Variants in ATRNL1 observed in about 807,000 individuals in gnomAD.
ATRNL1 encodes the protein attractin-like protein 1.
ATRNL1 carries 95 observed loss-of-function variants against 182.7 expected under a neutral mutation model. That is an observed-to-expected ratio of 0.52 (90% CI 0.44 to 0.62). ATRNL1 has a LOEUF of 0.62. Ranked by LOEUF, ATRNL1 falls within the 20% of genes least tolerant of loss-of-function variation. ATRNL1 has a pLI of 0.00. For missense variants in ATRNL1, 1,471 were observed against 1,679.5 expected (o/e 0.88, Z 2.17); for synonymous variants, 576 against 568.3 (o/e 1.01, Z -0.19).
chr10:115,149,724 G>A (rs1846131464), intron 5 of ATRNL1, among the ~76,000 whole-genome samples: 1 of 151,988 alleles, frequency 6.6e-6, no homozygotes, highest in Non-Finnish European at 1.5e-5. Flanking sequence ...TTAATATGCT[G>A]CTGGATTTGG....
chr10:115,227,983 G>A (rs1849765252), intron 9 of ATRNL1, among the ~76,000 whole-genome samples: 3 of 152,050 alleles, frequency 2.0e-5, no homozygotes, highest in Non-Finnish European at 4.4e-5. Context: ...GAGTGGTTAT[G>A]TGTTCACTTT....
chr10:115,219,953 G>C (rs756067711), intron 9 of ATRNL1, among the ~76,000 whole-genome samples: 1 of 152,066 alleles, frequency 6.6e-6, no homozygotes, highest in African/African-American at 2.4e-5. Flanking sequence ...ACATATCCTC[G>C]TGCACAGCCT....
chr10:115,535,541 C>G (rs1554989945), intron 25 of ATRNL1, among the ~76,000 whole-genome samples: 2 of 152,006 alleles, frequency 1.3e-5, no homozygotes, highest in Admixed American at 1.3e-4. Flanking sequence ...AACTTCTTTG[C>G]CTTTGGTTTG....
chr10:115,667,230 T>A (rs960187077), intron 26 of ATRNL1, among the ~76,000 whole-genome samples: 41 of 152,086 alleles, frequency 2.7e-4, no homozygotes, highest in African/African-American at 9.4e-4. Context: ...CCCACTCCCT[T>A]CTAAAAAGGT....
chr10:115,647,744 G>C (rs1235696225), intron 26 of ATRNL1, among the ~76,000 whole-genome samples: 1 of 152,136 alleles, frequency 6.6e-6, no homozygotes, highest in African/African-American at 2.4e-5. Context: ...CTCCCGTTCT[G>C]TAGGTTGCCT....
chr10:115,673,287 C>CT (rs1182341160), intron 26 of ATRNL1, among the ~76,000 whole-genome samples: 4 of 152,036 alleles, frequency 2.6e-5, no homozygotes, highest in African/African-American at 9.7e-5. Context: ...TTATTTTATT[C>CT]TTTTTCATGG....
intron 27 of ATRNL1, among the ~76,000 whole-genome samples, chr10:115,796,545 G>A (rs1304953440): frequency 6.6e-6 from 1 of 152,108 alleles, no homozygotes; most frequent in Non-Finnish European, 1.5e-5. Context: ...TTTATTCTCA[G>A]TTCTTAACAA....
chr10:115,148,491 G>A (rs1430624160), intron 5 of ATRNL1, among the ~76,000 whole-genome samples: 1 of 152,154 alleles, frequency 6.6e-6, no homozygotes, highest in East Asian at 1.9e-4. Context: ...ATTAGGTGGT[G>A]AAAGTGGACA....
intron 26 of ATRNL1, among the ~76,000 whole-genome samples, chr10:115,667,081 G>GC (rs1354091736): frequency 6.6e-6 from 1 of 151,982 alleles, no homozygotes; most frequent in East Asian, 1.9e-4. Context: ...TATTCTGCCT[G>GC]CCCCTCCAGG....
chr10:115,385,148 A>G (rs1330202605), intron 19 of ATRNL1, among the ~76,000 whole-genome samples: 1 of 152,062 alleles, frequency 6.6e-6, no homozygotes, highest in Non-Finnish European at 1.5e-5. Context: ...AAGTAATTGT[A>G]TCATTGCATA....
chr10:115,809,155 C>G (rs1949990410), intron 27 of ATRNL1, among the ~76,000 whole-genome samples: 1 of 151,906 alleles, frequency 6.6e-6, no homozygotes, highest in South Asian at 2.1e-4. Context: ...ATGTATGATT[C>G]TATTTGTTGA....
intron 9 of ATRNL1, among the ~76,000 whole-genome samples, chr10:115,226,182 G>T (rs1849686515): frequency 6.6e-6 from 1 of 151,844 alleles, no homozygotes; most frequent in African/African-American, 2.4e-5. Context: ...TTAATAAATT[G>T]TTCTGGGCCA....
chr10:115,170,076 C>A (rs1405046983), intron 7 of ATRNL1, among the ~76,000 whole-genome samples: 3 of 152,086 alleles, frequency 2.0e-5, no homozygotes, highest in Non-Finnish European at 4.4e-5. Flanking sequence ...CAGATTGCAT[C>A]ATCTGCAAAT....
intron 28 of ATRNL1, among the ~76,000 whole-genome samples, chr10:115,895,174 A>G (rs1457893564): frequency 1.3e-5 from 2 of 152,244 alleles, no homozygotes; most frequent in African/African-American, 2.4e-5. Flanking sequence ...TAAAATAAAA[A>G]GAGCATTTTA....
intron 19 of ATRNL1, among the ~76,000 whole-genome samples, chr10:115,385,554 A>C (rs1370000016): frequency 6.6e-6 from 1 of 152,148 alleles, no homozygotes; most frequent in African/African-American, 2.4e-5. Flanking sequence ...TAAAACGAAG[A>C]TGTTTTAAAG....
chr10:115,596,637 G>A (rs1486604039), intron 26 of ATRNL1, among the ~76,000 whole-genome samples: 3 of 152,164 alleles, frequency 2.0e-5, no homozygotes, highest in Admixed American at 1.3e-4. Flanking sequence ...GGCGTGTTTA[G>A]TTGGAACTGG....
At chr10:115,130,473 T>C (rs1195145126) in intron 5 of ATRNL1, among the ~76,000 whole-genome samples, 1 of 152,094 alleles carries the variant, frequency 6.6e-6, no homozygotes, top group East Asian at 1.9e-4. Flanking sequence ...CTTAGAGGAA[T>C]TATTTTAGGC....
chr10:115,877,445 C>T (rs1951725822), intron 28 of ATRNL1, among the ~76,000 whole-genome samples: 1 of 152,192 alleles, frequency 6.6e-6, no homozygotes, highest in Admixed American at 6.5e-5. Context: ...ACTAAAACCT[C>T]TCCTTAGCAC....
intron 25 of ATRNL1, among the ~76,000 whole-genome samples, chr10:115,537,518 T>C (rs1452609915): frequency 6.6e-6 from 1 of 152,202 alleles, no homozygotes; most frequent in Non-Finnish European, 1.5e-5. Flanking sequence ...ATATTATATG[T>C]AAATTAGCCA....
Sources: allele counts gnomAD v4.1 joint callset (sites outside exome capture counted in the v4.1 genomes callset), GRCh38; gene constraint gnomAD v4.1.1; transcripts MANE v1.5; gene names NCBI Gene and HGNC (gene_info 2026-07-23, HGNC 2026-07-21).